TRHDE: variants seen among roughly 807,000 people sequenced by gnomAD.
TRHDE encodes the protein thyrotropin releasing hormone degrading enzyme.
A neutral mutation model predicts 125.7 loss-of-function variants in TRHDE; 72 were observed. The observed-to-expected ratio is 0.57, with a 90% CI of 0.47 to 0.70. The LOEUF (loss-of-function observed/expected upper bound fraction) is 0.70, where lower values mean the gene tolerates loss of function less well. TRHDE is among the 30% of genes least tolerant of loss of function. TRHDE has a pLI of 0.00. For synonymous variants in TRHDE, 509 were observed against 509.1 expected, an observed-to-expected ratio of 1.00 and a Z score of 0.00; for missense variants, 1,110 against 1,327.1, an observed-to-expected ratio of 0.84 and a Z score of 2.54.
intron 2 of TRHDE, among the ~76,000 whole-genome samples, chr12:72,251,819 C>A (rs1878692889): frequency 6.6e-6 from 1 of 152,006 alleles, no homozygotes; most frequent in Non-Finnish European, 1.5e-5. Flanking sequence ...TATATCCTTG[C>A]CAATATTTGG....
At chr12:72,641,203 T>A (rs1874045024) in intron 15 of TRHDE, among the ~76,000 whole-genome samples, 1 of 152,230 alleles carries the variant, frequency 6.6e-6, no homozygotes, top group African/African-American at 2.4e-5. Context: ...TAAATATTTT[T>A]TTCTTTGGCA....
chr12:72,554,388 A>C (rs1033977558), intron 7 of TRHDE, among the ~76,000 whole-genome samples: 2 of 152,142 alleles, frequency 1.3e-5, no homozygotes, highest in African/African-American at 2.4e-5. Flanking sequence ...TCAGTTGAAG[A>C]AATTAAGGTT....
chr12:72,480,785 G>A (rs965524635), intron 5 of TRHDE, among the ~76,000 whole-genome samples: 1 of 151,980 alleles, frequency 6.6e-6, no homozygotes, highest in African/African-American at 2.4e-5. Context: ...GAATATTCCA[G>A]TTTGCTAAAA....
chr12:72,447,048 A>G (rs1185869843), intron 3 of TRHDE, among the ~76,000 whole-genome samples: 2 of 152,142 alleles, frequency 1.3e-5, no homozygotes, highest in Non-Finnish European at 2.9e-5. Flanking sequence ...TCCACCCCAA[A>G]TCAACAGAAT....
chr12:72,100,931 C>T (rs568404395), intron 1 of TRHDE, among the ~76,000 whole-genome samples: 3 of 152,186 alleles, frequency 2.0e-5, no homozygotes, highest in Non-Finnish European at 4.4e-5. Context: ...CTGCTAAATT[C>T]ATTAGAAGGC....
chr12:72,454,481 C>T (rs1382041362), intron 3 of TRHDE, among the ~76,000 whole-genome samples: 1 of 152,034 alleles, frequency 6.6e-6, no homozygotes, highest in Non-Finnish European at 1.5e-5. Flanking sequence ...ACCATTAATC[C>T]CTGTTCATGG....
At chr12:72,487,091 A>G (rs1877447837) in intron 5 of TRHDE, among the ~76,000 whole-genome samples, 1 of 152,084 alleles carries the variant, frequency 6.6e-6, no homozygotes, top group Admixed American at 6.6e-5. Context: ...TTTTGAAATG[A>G]TTGTCAGAAT....
rs1029991136 is a variant in TRHDE at position 72,354,881 on chromosome 12, A to G, written c.1189-23114A>G. On this transcript the variant is annotated intron_variant, in intron 2 of 18. Transcript: ENST00000261180. Reference sequence around the variant, plus strand: ...TCTTTGCCCAGAGGAGCTGTAATCTATTTGGGGAGATTGAGTGAAAAACTG... The same window carrying G: ...TCTTTGCCCAGAGGAGCTGTAATCTGTTTGGGGAGATTGAGTGAAAAACTG... Among the ~76,000 whole-genome samples, 50 of 151,538 alleles carry G rather than the reference A, an allele frequency of 3.3e-4. 1 individual carries two copies. The highest frequency in any genetic ancestry group is 1.1e-3 in the African/African-American group (47 of 41,436).
chr12:72,556,289 AC>A (rs1196854962), intron 7 of TRHDE, among the ~76,000 whole-genome samples: 1 of 152,252 alleles, frequency 6.6e-6, no homozygotes, highest in Non-Finnish European at 1.5e-5. Context: ...AGCAACAGAA[AC>A]AAATTCTGGT....
At position 72,663,334 on chromosome 12, in the gene TRHDE, T is replaced by C. The variant is rs1379362668; in HGVS notation, c.*139T>C. ...TGTGGGAGGAATTTTTTTTTTAGTT[T>C]TTATTTTTTGGTTTTGGGGGATATT... is the stretch of plus-strand genomic sequence containing the variant. On this transcript the variant is annotated 3_prime_UTR_variant, in exon 19 of 19. Transcript: ENST00000261180. The C allele has an allele frequency of 3.1e-6, 2 of 646,268 alleles. No homozygotes were observed. The highest frequency in any genetic ancestry group is 3.3e-5 in the South Asian group (1 of 30,752). The allele number at this position is 646,268 out of a possible 1,614,324, so 40.0% of individuals were successfully genotyped here.
At chr12:72,231,153 T>C (rs1878238859) in intron 2 of TRHDE, among the ~76,000 whole-genome samples, 1 of 151,986 alleles carries the variant, frequency 6.6e-6, no homozygotes. Context: ...TACATAAAAA[T>C]ATATTTTTAT....
intron 3 of TRHDE, among the ~76,000 whole-genome samples, chr12:72,399,276 A>G (rs1357082996): frequency 6.6e-6 from 1 of 152,228 alleles, no homozygotes; most frequent in Non-Finnish European, 1.5e-5. Flanking sequence ...CTAATGTTAG[A>G]AAAATCTTCA....
chr12:72,179,594 A>G (rs1877055286), intron 2 of TRHDE, among the ~76,000 whole-genome samples: 1 of 152,030 alleles, frequency 6.6e-6, no homozygotes, highest in African/African-American at 2.4e-5. Flanking sequence ...TGCTTCATGA[A>G]GCCATTTCTG....
intron 12 of TRHDE, among the ~76,000 whole-genome samples, chr12:72,585,139 A>G (rs1272633869): frequency 6.6e-6 from 1 of 152,184 alleles, no homozygotes; most frequent in African/African-American, 2.4e-5. Flanking sequence ...ATGGGACTAT[A>G]GCCTCTACAA....
At chr12:72,122,036 T>C (rs1394401332) in intron 2 of TRHDE, among the ~76,000 whole-genome samples, 4 of 152,144 alleles carry the variant, frequency 2.6e-5, no homozygotes, top group Non-Finnish European at 4.4e-5. Context: ...AAAGGATATC[T>C]ACTATTCTTC....
At chr12:72,263,217 T>C (rs1878991162) in intron 2 of TRHDE, 1 of 152,052 alleles carries the variant, frequency 6.6e-6, no homozygotes, top group African/African-American at 2.4e-5. Context: ...CCCCCAAAAC[T>C]GTATGTGTTC....
At chr12:72,177,415 C>T (rs1009824370) in intron 2 of TRHDE, among the ~76,000 whole-genome samples, 3 of 152,056 alleles carry the variant, frequency 2.0e-5, no homozygotes, top group East Asian at 1.9e-4. Context: ...TGGCATTTAT[C>T]TAGGAATGTA....
chr12:72,459,483 A>C (rs569635827), intron 3 of TRHDE, among the ~76,000 whole-genome samples: 2 of 152,274 alleles, frequency 1.3e-5, no homozygotes, highest in African/African-American at 4.8e-5. Flanking sequence ...TTAGGAGTCT[A>C]AGGTTTTACC....
upstream of TRHDE, among the ~76,000 whole-genome samples, chr12:72,268,437 C>T (rs1490172214): frequency 2.6e-5 from 4 of 151,978 alleles, no homozygotes; most frequent in Admixed American, 2.6e-4. Flanking sequence ...CACAGAAGTC[C>T]AGAGCTGAAA....
Sources: gnomAD v4.1 joint callset for allele counts (sites outside exome capture counted in the v4.1 genomes callset) on GRCh38, gnomAD v4.1.1 for gene constraint, MANE v1.5 for transcripts, NCBI Gene and HGNC (gene_info 2026-07-23, HGNC 2026-07-21) for gene names.